Variants in WWOX observed in about 807,000 individuals in gnomAD.
The protein encoded by WWOX is WW domain-containing oxidoreductase.
WWOX carries 69 observed loss-of-function variants against 46.2 expected under a neutral mutation model. The observed-to-expected ratio is 1.49, with a 90% CI of 1.23 to 1.82. WWOX has a LOEUF of 1.82. Among genes scored for constraint, WWOX ranks in the 40% most tolerant of loss-of-function variants. The pLI is 0.00. For synonymous variants in WWOX, 359 were observed against 202.6 expected, an observed-to-expected ratio of 1.77 and a Z score of -6.56; for missense variants, 919 against 542.6, an observed-to-expected ratio of 1.69 and a Z score of -6.89.
intron 8 of WWOX, among the ~76,000 whole-genome samples, chr16:78,570,506 A>G (rs972140638): frequency 3.9e-5 from 6 of 151,984 alleles, no homozygotes; most frequent in Non-Finnish European, 8.8e-5. Flanking sequence ...ATAGAGATGC[A>G]GTATCGCTTG....
intron 8 of WWOX, among the ~76,000 whole-genome samples, chr16:78,938,539 G>A (rs954315376): frequency 2.6e-5 from 4 of 152,070 alleles, no homozygotes; most frequent in Non-Finnish European, 5.9e-5. Context: ...GTCGGTATTA[G>A]CAACTGGCAA....
chr16:78,169,018 TAA>T (rs2035063402), intron 5 of WWOX, among the ~76,000 whole-genome samples: 1 of 151,982 alleles, frequency 6.6e-6, no homozygotes. Flanking sequence ...TTGGCATAAT[TAA>T]AAAAAGAGGG....
chr16:78,558,637 C>T (rs1265542450), intron 8 of WWOX, among the ~76,000 whole-genome samples: 1 of 152,238 alleles, frequency 6.6e-6, no homozygotes, highest in Non-Finnish European at 1.5e-5. Flanking sequence ...TGCCTGCTTA[C>T]ACCTAGCTGT....
intron 5 of WWOX, among the ~76,000 whole-genome samples, chr16:78,359,716 T>C (rs1451383874): frequency 6.6e-6 from 1 of 152,232 alleles, no homozygotes; most frequent in African/African-American, 2.4e-5. Context: ...ACACAACCTT[T>C]TACGAGACAA....
intron 8 of WWOX, among the ~76,000 whole-genome samples, chr16:78,478,339 A>T (rs369631019): frequency 6.6e-6 from 1 of 152,164 alleles, no homozygotes; most frequent in African/African-American, 2.4e-5. Context: ...CCCTTAAATG[A>T]TGTTTTTAAA....
In WWOX at chr16:78,735,385, C is replaced by CCAGACACAAA. The variant is rs1452058497; in HGVS notation, c.1056+302635_1056+302636insGACACAAACA. ...GAACCAATAAGAGATGTCATACACA[C>CCAGACACAAA]CACACACAAACACACACACACACAC... On this transcript the variant is annotated intron_variant, in intron 8 of 8. Coordinates refer to ENST00000566780, the MANE Select transcript of WWOX (RefSeq NM_016373.4). Among the ~76,000 whole-genome samples the CCAGACACAAA allele has an allele frequency of 4.1e-4, 43 of 103,954 alleles. 1 individual carries two copies. The South Asian group carries it at 5.6e-3, about 14-fold the overall frequency. The allele number at this position is 103,954 out of a possible 152,430, so 68.2% of individuals were successfully genotyped here.
intron 6 of WWOX, among the ~76,000 whole-genome samples, chr16:78,400,357 C>T (rs2082382638): frequency 6.6e-6 from 1 of 152,150 alleles, no homozygotes; most frequent in African/African-American, 2.4e-5. Context: ...TTTCCCACCT[C>T]AGATCTGAAA....
intron 8 of WWOX, among the ~76,000 whole-genome samples, chr16:78,674,896 C>G (rs898922283): frequency 6.6e-6 from 1 of 151,370 alleles, no homozygotes; most frequent in African/African-American, 2.4e-5. Context: ...TCTTTGGTGA[C>G]AGACCCAAGT....
At chr16:78,940,261 G>A (rs533204464) in intron 8 of WWOX, among the ~76,000 whole-genome samples, 1 of 152,242 alleles carries the variant, frequency 6.6e-6, no homozygotes, top group South Asian at 2.1e-4. Flanking sequence ...TATATATTTT[G>A]TATTAAATAA....
At chr16:78,824,709 C>T (rs2051600590) in intron 8 of WWOX, among the ~76,000 whole-genome samples, 1 of 152,154 alleles carries the variant, frequency 6.6e-6, no homozygotes, top group Non-Finnish European at 1.5e-5. Flanking sequence ...GACACTTATT[C>T]ACTATCACGA....
At chr16:78,553,629 G>A (rs914936183) in intron 8 of WWOX, among the ~76,000 whole-genome samples, 5 of 152,214 alleles carry the variant, frequency 3.3e-5, no homozygotes, top group African/African-American at 7.2e-5. Flanking sequence ...GCAGTATGGC[G>A]CCCTAATAGA....
At chr16:78,176,946 C>G (rs35303065) in intron 5 of WWOX, among the ~76,000 whole-genome samples, 8,822 of 152,208 alleles carry the variant, frequency 0.058, 858 homozygotes, top group African/African-American at 0.2. Context: ...TGGTGCTACT[C>G]AAAGCATGGT....
At chr16:78,568,122 G>C (rs973020220) in intron 8 of WWOX, among the ~76,000 whole-genome samples, 49 of 152,146 alleles carry the variant, frequency 3.2e-4, no homozygotes, top group Non-Finnish European at 8.8e-5. Context: ...ATTTGAAAGT[G>C]TGCATTAATG....
chr16:78,204,567 C>G (rs926958932), intron 5 of WWOX, among the ~76,000 whole-genome samples: 1 of 152,174 alleles, frequency 6.6e-6, no homozygotes, highest in Non-Finnish European at 1.5e-5. Flanking sequence ...CCCCACTACC[C>G]TTCCCAGCTT....
At chr16:78,384,764 T>G (rs2082024858) in intron 5 of WWOX, among the ~76,000 whole-genome samples, 1 of 152,198 alleles carries the variant, frequency 6.6e-6, no homozygotes, top group South Asian at 2.1e-4. Flanking sequence ...AATCTGTGTT[T>G]GCCAGTTTGC....
intron 8 of WWOX, among the ~76,000 whole-genome samples, chr16:78,735,881 TTCTTG>T (rs1287785958): frequency 1.6e-5 from 2 of 123,288 alleles, no homozygotes; most frequent in African/African-American, 7.0e-5. Flanking sequence ...TCTGAGTCCC[TTCTTG>T]TCTATCCAGA....
rs572917312 is a variant in WWOX, at chr16:78,215,337, G to A, written c.516+51048G>A. Among the ~76,000 whole-genome samples, 107 of 152,266 alleles carry A rather than the reference G, an allele frequency of 7.0e-4. 1 individual carries two copies. The highest frequency in any genetic ancestry group is 2.4e-3 in the African/African-American group (101 of 41,548). Reference sequence around the variant, plus strand: ...GAACTGTAATCTCCATAATCCCTACGTGCCAGGTAGGGACCTGGTAGGAGG... The same window carrying A: ...GAACTGTAATCTCCATAATCCCTACATGCCAGGTAGGGACCTGGTAGGAGG... On this transcript the variant is annotated intron_variant, in intron 5 of 8. Transcript: ENST00000566780.
intron 8 of WWOX, among the ~76,000 whole-genome samples, chr16:78,834,143 G>C (rs1186550347): frequency 6.6e-6 from 1 of 152,186 alleles, no homozygotes. Context: ...TGATGCTGTG[G>C]CCTGAATAAC....
chr16:78,147,698 A>ATTTT lies in WWOX; in HGVS notation c.410-16485_410-16484insTTTT, dbSNP rs2034254795. Among the ~76,000 whole-genome samples the ATTTT allele has an allele frequency of 5.6e-3, 288 of 51,568 alleles. 1 individual carries two copies. The highest frequency in any genetic ancestry group is 0.017 in the African/African-American group (248 of 14,272). 33.8% of individuals were successfully genotyped at this position (51,568 alleles called of 152,430 possible). A position where few individuals can be genotyped will look rare whatever the true frequency, so the allele number is the denominator to read the frequency against. On this transcript the variant is annotated intron_variant, in intron 4 of 8. Coordinates refer to ENST00000566780, the MANE Select transcript of WWOX (RefSeq NM_016373.4). Reference sequence around the variant, plus strand: ...TCCTTTTTTTTTTTTTTTTTTTTTAAAAAAAAAAAAGGTGCTTGAATTAGA... The same window carrying ATTTT: ...TCCTTTTTTTTTTTTTTTTTTTTTAATTTTAAAAAAAAAAGGTGCTTGAATTAGA...
Sources: gnomAD v4.1 joint callset for allele counts (sites outside exome capture counted in the v4.1 genomes callset) on GRCh38, gnomAD v4.1.1 for gene constraint, MANE v1.5 for transcripts, NCBI Gene and HGNC (gene_info 2026-07-23, HGNC 2026-07-21) for gene names.